WDPCP: variants seen among roughly 807,000 people sequenced by gnomAD.
WDPCP encodes WD repeat-containing and planar cell polarity effector protein fritz homolog.
Under a neutral mutation model 93.1 loss-of-function variants are expected in WDPCP, and 71 were observed. The observed-to-expected ratio is 0.76, with a 90% CI of 0.63 to 0.93. WDPCP has a LOEUF of 0.93. Among genes scored for constraint, WDPCP ranks in the 40% least tolerant of loss-of-function variants. WDPCP has a pLI of 0.00. For missense variants in WDPCP, 844 were observed against 887.4 expected, an observed-to-expected ratio of 0.95 and a Z score of 0.62; for synonymous variants, 315 against 315.0, an observed-to-expected ratio of 1.00 and a Z score of 0.00.
chr2:63,596,661 C>T (rs1575721974), intron 3 of WDPCP, among the ~76,000 whole-genome samples: 1 of 152,128 alleles, frequency 6.6e-6, no homozygotes, highest in Admixed American at 6.5e-5. Context: ...CTTATGGCAG[C>T]CTTGACTATG....
At chr2:63,549,428 G>T (rs974592980) in intron 1 of WDPCP, among the ~76,000 whole-genome samples, 2 of 151,862 alleles carry the variant, frequency 1.3e-5, no homozygotes, top group Non-Finnish European at 2.9e-5. Context: ...TACTGTAATG[G>T]AAACTAGAAA....
intron 3 of WDPCP, chr2:63,604,616 A>G: frequency 9.3e-7 from 1 of 1,079,172 alleles, no homozygotes; most frequent in Admixed American, 2.4e-5. Flanking sequence ...ATCTTTATTT[A>G]AGGGCATTTG....
chr2:63,147,873 G>A (rs1671629227), intron 17 of WDPCP, among the ~76,000 whole-genome samples: 1 of 151,620 alleles, frequency 6.6e-6, no homozygotes, highest in South Asian at 2.1e-4. Flanking sequence ...GGAGGCTGAG[G>A]CAGGGGAAGT....
intron 3 of WDPCP, chr2:63,622,066 C>CTTT: frequency 2.1e-5 from 11 of 528,478 alleles, no homozygotes; most frequent in South Asian, 3.0e-5. Flanking sequence ...TTTCTTTTTT[C>CTTT]TTTTTTTTTT....
chr2:63,532,595 T>C (rs1703942045), intron 1 of WDPCP, among the ~76,000 whole-genome samples: 1 of 152,198 alleles, frequency 6.6e-6, no homozygotes, highest in African/African-American at 2.4e-5. Flanking sequence ...CAGAATTTCA[T>C]ATCCAGCCAA....
At chr2:63,533,209 G>T (rs1241361115) in intron 1 of WDPCP, among the ~76,000 whole-genome samples, 1 of 152,122 alleles carries the variant, frequency 6.6e-6, no homozygotes, top group East Asian at 1.9e-4. Flanking sequence ...GATTCATAAA[G>T]CAAGTCCTTA....
At chr2:63,668,225 T>C (rs1710305178) in intron 2 of WDPCP, among the ~76,000 whole-genome samples, 1 of 152,072 alleles carries the variant, frequency 6.6e-6, no homozygotes, top group East Asian at 1.9e-4. Context: ...TCCCTGGCCA[T>C]CTCTCCCTGG....
intron 3 of WDPCP, among the ~76,000 whole-genome samples, chr2:63,636,468 C>T (rs1186853838): frequency 6.6e-6 from 1 of 152,088 alleles, no homozygotes. Flanking sequence ...CTCACTCTGT[C>T]GCCCAGACTG....
intron 6 of WDPCP, among the ~76,000 whole-genome samples, chr2:63,457,761 A>G (rs545662561): frequency 3.9e-5 from 6 of 152,240 alleles, no homozygotes; most frequent in Non-Finnish European, 7.3e-5. Context: ...ACACTCCTTC[A>G]TGATAAAAAC....
At chr2:63,583,558 G>A (rs573856507) in intron 1 of WDPCP, among the ~76,000 whole-genome samples, 1 of 152,146 alleles carries the variant, frequency 6.6e-6, no homozygotes, top group East Asian at 1.9e-4. Flanking sequence ...GCACGTGCCT[G>A]TAGTCCCAGC....
intron 6 of WDPCP, among the ~76,000 whole-genome samples, chr2:63,445,299 T>C (rs1053008167): frequency 3.3e-5 from 5 of 152,126 alleles, no homozygotes; most frequent in Admixed American, 6.5e-5. Context: ...TTTTTCTGGA[T>C]AGAGAAGTGA....
intron 2 of WDPCP, chr2:63,650,870 T>C (rs1710101039): frequency 6.6e-6 from 1 of 152,190 alleles, no homozygotes; most frequent in South Asian, 2.1e-4. Flanking sequence ...ACAATTGTAG[T>C]ATTGTTAGTA....
chr2:63,575,482 TA>T (rs1373414963), intron 1 of WDPCP, among the ~76,000 whole-genome samples: 1 of 115,928 alleles, frequency 8.6e-6, no homozygotes, highest in African/African-American at 4.0e-5. Flanking sequence ...ATATACAGTG[TA>T]TATATAGTAT....
At chr2:63,170,458 A>C (rs1673304964) in intron 15 of WDPCP, among the ~76,000 whole-genome samples, 1 of 151,748 alleles carries the variant, frequency 6.6e-6, no homozygotes, top group Non-Finnish European at 1.5e-5. Flanking sequence ...TTTTTAGTAG[A>C]GATGGGGTTT....
intron 14 of WDPCP, among the ~76,000 whole-genome samples, chr2:63,223,604 A>G (rs2104500554): frequency 6.6e-6 from 1 of 152,262 alleles, no homozygotes; most frequent in Non-Finnish European, 1.5e-5. Flanking sequence ...ATTGTGGCAT[A>G]TGGTGGCAGG....
intron 2 of WDPCP, among the ~76,000 whole-genome samples, chr2:63,800,550 G>A (rs887181606): frequency 6.6e-6 from 1 of 152,146 alleles, no homozygotes; most frequent in Non-Finnish European, 1.5e-5. Flanking sequence ...ATGTTGGAAA[G>A]ATTACTGCCC....
intron 3 of WDPCP, among the ~76,000 whole-genome samples, chr2:63,639,703 G>T (rs1470977398): frequency 6.6e-6 from 1 of 152,062 alleles, no homozygotes; most frequent in Non-Finnish European, 1.5e-5. Flanking sequence ...AACATATAAA[G>T]GTATTTAACA....
intron 6 of WDPCP, among the ~76,000 whole-genome samples, chr2:63,463,368 C>T (rs921632573): frequency 1.3e-5 from 2 of 151,976 alleles, no homozygotes; most frequent in Non-Finnish European, 2.9e-5. Flanking sequence ...ACTCTAAATA[C>T]AGACAATTTT....
intron 1 of WDPCP, among the ~76,000 whole-genome samples, chr2:63,560,823 G>A (rs1706551269): frequency 6.6e-6 from 1 of 152,130 alleles, no homozygotes; most frequent in Non-Finnish European, 1.5e-5. Flanking sequence ...CATACACTGG[G>A]GCCTGTTGGG....
Sources: gnomAD v4.1 joint callset for allele counts (sites outside exome capture counted in the v4.1 genomes callset) on GRCh38, gnomAD v4.1.1 for gene constraint, MANE v1.5 for transcripts, NCBI Gene and HGNC (gene_info 2026-07-23, HGNC 2026-07-21) for gene names.